CLCN5: variants seen among roughly 807,000 people sequenced by gnomAD.
CLCN5 encodes Cl-/H+ antiporter 5.
CLCN5 carries 17 observed loss-of-function variants against 54.0 expected under a neutral mutation model. The ratio of observed to expected loss-of-function variants is 0.31; its 90% confidence interval spans 0.22 to 0.47. The LOEUF (loss-of-function observed/expected upper bound fraction) is 0.47, where lower values mean the gene tolerates loss of function less well. Ranked by LOEUF, CLCN5 falls within the 20% of genes least tolerant of loss-of-function variation. CLCN5 has a pLI of 1.00. For missense variants in CLCN5, 448 were observed against 646.7 expected (o/e 0.69, Z 3.33); for synonymous variants, 222 against 233.0 (o/e 0.95, Z 0.43).
chrX:49,994,795 C>T (rs1479086885), intron 3 of CLCN5, among the ~76,000 whole-genome samples: 2 of 111,790 alleles, frequency 1.8e-5, no homozygotes, highest in African/African-American at 6.5e-5. Flanking sequence ...CAGCAGGTCA[C>T]AGCAGTTAAA....
Position 50,081,998 on chromosome X carries a change from C to T in CLCN5, c.933+151C>T, listed in dbSNP as rs1286473419. ...TGTAGGAATTTATCCTACAGATATC[C>T]TAGCATGTGTGTGCACAAAGGTGTA... On this transcript the variant is annotated intron_variant, in intron 9 of 14. Coordinates refer to ENST00000376091, the MANE Select transcript of CLCN5 (RefSeq NM_001127898.4). 1.1e-5 allele frequency: 6 copies of T among 528,543 alleles called. No homozygotes were observed. The African/African-American group carries it at 1.2e-4, about 10-fold the overall frequency. The allele number at this position is 528,543 out of a possible 1,213,427, so 43.6% of individuals were successfully genotyped here.
chrX:50,014,343 A>C (rs933485942), intron 3 of CLCN5, among the ~76,000 whole-genome samples: 3 of 112,024 alleles, frequency 2.7e-5, no homozygotes, highest in Admixed American at 9.4e-5. Context: ...CTGTGCTGCC[A>C]GGGCAGTGGG....
chrX:49,966,612 ATT>A (rs1183495910), intron 3 of CLCN5, among the ~76,000 whole-genome samples: 3 of 19,090 alleles, frequency 1.6e-4, no homozygotes, highest in Non-Finnish European at 2.2e-4. Flanking sequence ...TTTTTTTTTT[ATT>A]TTTTTATTTT....
At chrX:49,934,146 T>G (rs782284653) in intron 3 of CLCN5, among the ~76,000 whole-genome samples, 22 of 111,504 alleles carry the variant, frequency 2.0e-4, no homozygotes, top group Non-Finnish European at 4.1e-4. Context: ...CTTGGGTATC[T>G]TACAGTTTTC....
intron 3 of CLCN5, among the ~76,000 whole-genome samples, chrX:49,942,167 G>T (rs1303243963): frequency 6.1e-3 from 1 of 164 alleles, no homozygotes; most frequent in Non-Finnish European, 0.012. Context: ...AATTCGAGTG[G>T]CATTCTTGTT....
chrX:50,039,003 G>T (rs1557186827), intron 3 of CLCN5, among the ~76,000 whole-genome samples: 1 of 112,022 alleles, frequency 8.9e-6, no homozygotes, highest in African/African-American at 3.2e-5. Context: ...AGTAGGCAGG[G>T]TGCTGTGGCT....
chrX:50,082,827 GT>G (rs1196608761), intron 9 of CLCN5, among the ~76,000 whole-genome samples: 1 of 111,548 alleles, frequency 9.0e-6, no homozygotes, highest in Non-Finnish European at 1.9e-5. Context: ...TCAGATGTCG[GT>G]TTTTTCACTT....
chrX:50,030,407 C>T (rs782494767), intron 3 of CLCN5, among the ~76,000 whole-genome samples: 1 of 111,665 alleles, frequency 9.0e-6, no homozygotes, highest in Non-Finnish European at 1.9e-5. Context: ...AGATTTACCT[C>T]CTAATTTATG....
At position 50,000,388 on chromosome X, in the gene CLCN5, G is replaced by T. The variant is rs563965639; in HGVS notation, c.17-41928G>T. ...CACACACTGGCTGGGCCACAGTGGC[G>T]TGTGAACCACTGTGTCAGCCACCTT... On this transcript the variant is annotated intron_variant, in intron 3 of 14. Transcript: ENST00000376091. Among the ~76,000 whole-genome samples the T allele has an allele frequency of 6.7e-4, 74 of 109,997 alleles. No individual in the cohort carries two copies. The South Asian group carries it at 0.028, about 41-fold the overall frequency.
chrX:50,009,016 T>G (rs1557182053), intron 3 of CLCN5: 1 of 373,997 alleles, frequency 2.7e-6, no homozygotes, highest in South Asian at 2.5e-5. Flanking sequence ...ACACACCTAT[T>G]CAAGGATTCA....
chrX:49,975,331 A>G (rs1354640804), intron 3 of CLCN5, among the ~76,000 whole-genome samples: 1 of 112,046 alleles, frequency 8.9e-6, no homozygotes, highest in East Asian at 2.8e-4. Context: ...CAAAGTAGCC[A>G]TAGCTTACAG....
chrX:49,957,195 G>A (rs1557173982), intron 3 of CLCN5, among the ~76,000 whole-genome samples: 1 of 111,370 alleles, frequency 9.0e-6, no homozygotes, highest in Non-Finnish European at 1.9e-5. Flanking sequence ...AGCTACTCGG[G>A]AGGCTGAGGT....
intron 3 of CLCN5, among the ~76,000 whole-genome samples, chrX:50,037,347 A>G (rs782548852): frequency 3.6e-5 from 4 of 111,951 alleles, no homozygotes; most frequent in African/African-American, 9.7e-5. Context: ...CTTTGTATTT[A>G]TTTTGTTTGT....
intron 3 of CLCN5, among the ~76,000 whole-genome samples, chrX:49,954,482 G>A (rs781814863): frequency 9.0e-6 from 1 of 111,691 alleles, no homozygotes; most frequent in Non-Finnish European, 1.9e-5. Flanking sequence ...TAGGTACTTG[G>A]AAGCTGAGGA....
At chrX:50,053,170 G>A (rs1932644307) in intron 4 of CLCN5, among the ~76,000 whole-genome samples, 2 of 111,358 alleles carry the variant, frequency 1.8e-5, no homozygotes, top group South Asian at 7.5e-4. Flanking sequence ...GGATGAAGAA[G>A]TTGATAAATG....
intron 4 of CLCN5, among the ~76,000 whole-genome samples, chrX:50,063,788 G>A (rs1480994676): frequency 2.7e-5 from 3 of 110,895 alleles, no homozygotes; most frequent in Non-Finnish European, 5.7e-5. Flanking sequence ...GAATCCAGCA[G>A]CACATCAAAA....
At chrX:49,971,299 A>G (rs1557176184) in intron 3 of CLCN5, among the ~76,000 whole-genome samples, 1 of 104,187 alleles carries the variant, frequency 9.6e-6, no homozygotes, top group African/African-American at 3.4e-5. Context: ...TTATATATAT[A>G]TATAATCATG....
At chrX:49,939,975 C>T (rs1926242003) in intron 3 of CLCN5, among the ~76,000 whole-genome samples, 1 of 111,733 alleles carries the variant, frequency 8.9e-6, no homozygotes, top group South Asian at 3.8e-4. Flanking sequence ...ATCTGTCCTG[C>T]ATAGTTCTGA....
At chrX:49,973,514 C>T (rs1557176553) in intron 3 of CLCN5, among the ~76,000 whole-genome samples, 1 of 108,232 alleles carries the variant, frequency 9.2e-6, no homozygotes, top group Non-Finnish European at 1.9e-5. Flanking sequence ...CCACTCCCCC[C>T]ACCCCACAAC....
Sources: allele counts gnomAD v4.1 joint callset (sites outside exome capture counted in the v4.1 genomes callset), GRCh38; gene constraint gnomAD v4.1.1; transcripts MANE v1.5; gene names NCBI Gene and HGNC (gene_info 2026-07-23, HGNC 2026-07-21).